Variants in RBFOX1 observed in about 807,000 individuals in gnomAD.
The protein encoded by RBFOX1 is RNA binding protein fox-1 homolog 1.
Under a neutral mutation model 57.7 loss-of-function variants are expected in RBFOX1, and 8 were observed. The ratio of observed to expected loss-of-function variants is 0.14; its 90% confidence interval spans 0.08 to 0.25. The LOEUF is 0.25. RBFOX1 is among the 10% of genes least tolerant of loss of function. RBFOX1 has a pLI of 1.00. For synonymous variants in RBFOX1, 326 were observed against 222.4 expected (o/e 1.47, Z -4.15); for missense variants, 611 against 548.5 (o/e 1.11, Z -1.14).
intron 4 of RBFOX1, among the ~76,000 whole-genome samples, chr16:7,062,858 C>A (rs1386857867): frequency 1.4e-5 from 2 of 141,874 alleles, no homozygotes; most frequent in Non-Finnish European, 3.0e-5. Context: ...ATCTATCCGT[C>A]CCTTAAGCTA....
At chr16:7,418,921 T>C (rs2098511781) in intron 4 of RBFOX1, among the ~76,000 whole-genome samples, 1 of 152,130 alleles carries the variant, frequency 6.6e-6, no homozygotes, top group Non-Finnish European at 1.5e-5. Context: ...TGTTTTGTTT[T>C]TGAGAAAGGG....
chr16:7,247,458 T>G (rs1223277757), intron 4 of RBFOX1, among the ~76,000 whole-genome samples: 1 of 152,134 alleles, frequency 6.6e-6, no homozygotes, highest in Non-Finnish European at 1.5e-5. Context: ...AGTGTTAAGT[T>G]CCTGGTATGT....
intron 4 of RBFOX1, among the ~76,000 whole-genome samples, chr16:5,922,048 C>G (rs1349334527): frequency 2.0e-5 from 3 of 152,026 alleles, no homozygotes; most frequent in Non-Finnish European, 4.4e-5. Context: ...GTGGTCTCAG[C>G]TACTTGGGAG....
At position 7,102,865 on chromosome 16, in the gene RBFOX1, C is replaced by G. The variant is rs1415559948; in HGVS notation, c.27+50767C>G. On this transcript the variant is annotated intron_variant, in intron 4 of 15. Transcript: ENST00000550418. ...CTAATTTCAAAAGAATTTTTCAAAT[C>G]CAAAACGCATGCACTTCAATTGAGT... 3.9e-5 allele frequency among the ~76,000 whole-genome samples: 6 copies of G among 151,902 alleles called. No individual in the cohort carries two copies. The East Asian group carries it at 9.7e-4, about 24-fold the overall frequency.
intron 9 of RBFOX1, among the ~76,000 whole-genome samples, chr16:7,604,073 T>C (rs2095177318): frequency 6.6e-6 from 1 of 152,148 alleles, no homozygotes. Context: ...GATTTTCTAA[T>C]GGATCACACA....
In RBFOX1 at chr16:7,407,373, GGTGTGTGTGTGTGTGT is replaced by G. The variant is rs77358035; in HGVS notation, c.28-110757_28-110742del. The stretch of plus-strand genomic sequence containing the variant: ...ATTTTGACTTCAAGGGATTTGTATG[GGTGTGTGTGTGTGTGT>G]GTGTGTGTGTGTGTGTATGTGTGTG... On this transcript the variant is annotated intron_variant, in intron 4 of 15. Transcript: ENST00000550418. Among the ~76,000 whole-genome samples the G allele has an allele frequency of 2.0e-5, 3 of 149,662 alleles. No homozygotes were observed. In the East Asian group the frequency reaches 6.0e-4, roughly 30 times the overall value.
intron 4 of RBFOX1, among the ~76,000 whole-genome samples, chr16:7,174,938 C>T (rs2081365885): frequency 6.6e-6 from 1 of 152,196 alleles, no homozygotes; most frequent in African/African-American, 2.4e-5. Context: ...TACTGCCATT[C>T]TAGTGGGTAT....
At chr16:5,350,176 C>T (rs2065231821) in intron 1 of RBFOX1, among the ~76,000 whole-genome samples, 1 of 152,154 alleles carries the variant, frequency 6.6e-6, no homozygotes. Context: ...TCAGGATTAA[C>T]TGGGAAACAG....
chr16:6,639,909 A>C (rs9938371), intron 2 of RBFOX1, among the ~76,000 whole-genome samples: 43,633 of 151,844 alleles, frequency 0.29, 6,525 homozygotes, highest in African/African-American at 0.31. Flanking sequence ...AAAACCAAAA[A>C]AACAAGATTA....
At chr16:7,369,263 G>T (rs1331070680) in intron 4 of RBFOX1, among the ~76,000 whole-genome samples, 2 of 151,986 alleles carry the variant, frequency 1.3e-5, no homozygotes, top group African/African-American at 4.8e-5. Context: ...TGTTCCTGCA[G>T]CTCTCGGGGG....
chr16:6,662,089 C>T (rs887198212), intron 3 of RBFOX1, among the ~76,000 whole-genome samples: 2 of 147,192 alleles, frequency 1.4e-5, no homozygotes, highest in African/African-American at 2.6e-5. Flanking sequence ...AAGTGAAACT[C>T]AAAGAAGCAG....
At chr16:5,400,525 A>G (rs2066685869) in intron 1 of RBFOX1, among the ~76,000 whole-genome samples, 1 of 152,194 alleles carries the variant, frequency 6.6e-6, no homozygotes, top group Admixed American at 6.5e-5. Context: ...TATCATTTCT[A>G]TCCTGATTAA....
At chr16:7,687,684 C>T (rs1024130833) in intron 14 of RBFOX1, among the ~76,000 whole-genome samples, 1 of 151,940 alleles carries the variant, frequency 6.6e-6, no homozygotes, top group Non-Finnish European at 1.5e-5. Context: ...AGGAAGCAAC[C>T]TGGTAAGCAT....
chr16:6,557,783 G>C (rs1247129473), intron 2 of RBFOX1, among the ~76,000 whole-genome samples: 2 of 152,164 alleles, frequency 1.3e-5, no homozygotes, highest in Admixed American at 1.3e-4. Context: ...TCCATGTCAA[G>C]GCAATGTTTT....
At chr16:5,654,542 C>T (rs931034483) in intron 3 of RBFOX1, among the ~76,000 whole-genome samples, 6 of 152,228 alleles carry the variant, frequency 3.9e-5, no homozygotes, top group Admixed American at 6.5e-5. Flanking sequence ...AGACTCCAAG[C>T]ACAGGACTTT....
intron 1 of RBFOX1, among the ~76,000 whole-genome samples, chr16:6,262,588 C>G (rs1319063631): frequency 6.6e-6 from 1 of 152,168 alleles, no homozygotes; most frequent in African/African-American, 2.4e-5. Flanking sequence ...CAACATCTTT[C>G]CCAACAATTG....
At chr16:7,225,905 A>AATCAATATATATATATATATATATATAT (rs1555600462) in intron 4 of RBFOX1, among the ~76,000 whole-genome samples, 1 of 93,752 alleles carries the variant, frequency 1.1e-5, no homozygotes, top group African/African-American at 4.8e-5. Context: ...AAGTATAATA[A>AATCAATATATATATATATATATATATAT]ATATATATAT....
At chr16:6,338,201 C>T (rs961387880) in intron 2 of RBFOX1, among the ~76,000 whole-genome samples, 1 of 152,140 alleles carries the variant, frequency 6.6e-6, no homozygotes, top group East Asian at 1.9e-4. Flanking sequence ...ATTTTCCCCA[C>T]CTCTTCACTT....
chr16:7,399,227 T>C (rs1228268778), intron 4 of RBFOX1, among the ~76,000 whole-genome samples: 2 of 152,192 alleles, frequency 1.3e-5, no homozygotes. Flanking sequence ...GCAGGTGGAT[T>C]ACCTGAGGTC....
Sources: allele counts gnomAD v4.1 joint callset (sites outside exome capture counted in the v4.1 genomes callset), GRCh38; gene constraint gnomAD v4.1.1; transcripts MANE v1.5; gene names NCBI Gene and HGNC (gene_info 2026-07-23, HGNC 2026-07-21).